The following SRPK1 variants were observed in gnomAD, a reference collection of about 807,000 sequenced individuals.
SRPK1 encodes SFRS protein kinase 1.
In SRPK1, 52 loss-of-function variants were observed where a neutral mutation model predicts 89.5. The observed-to-expected ratio is 0.58, with a 90% CI of 0.46 to 0.73. The LOEUF is 0.73. Among genes scored for constraint, SRPK1 ranks in the 30% least tolerant of loss-of-function variants. SRPK1 has a pLI of 0.00. For synonymous variants in SRPK1, 255 were observed against 270.2 expected (o/e 0.94, Z 0.55); for missense variants, 603 against 780.6 (o/e 0.77, Z 2.71).
At chr6:35,854,172 A>G (rs1769618342) in intron 13 of SRPK1, among the ~76,000 whole-genome samples, 1 of 152,088 alleles carries the variant, frequency 6.6e-6, no homozygotes, top group South Asian at 2.1e-4. Context: ...GCTAGTCTCG[A>G]ACTCCTGGCC....
chr6:35,873,922 G>T (rs2127248845), intron 7 of SRPK1, among the ~76,000 whole-genome samples: 1 of 152,080 alleles, frequency 6.6e-6, no homozygotes, highest in African/African-American at 2.4e-5. Context: ...CGCCTCCTGG[G>T]TTCACGCCAT....
chr6:35,859,161 A>AATG (rs1327098998), intron 12 of SRPK1, among the ~76,000 whole-genome samples: 11 of 152,192 alleles, frequency 7.2e-5, no homozygotes, highest in Non-Finnish European at 1.6e-4. Context: ...ACATTGGGGA[A>AATG]ATGAGGAATT....
At chr6:35,885,294 C>CAG (rs1273529546) in intron 6 of SRPK1, among the ~76,000 whole-genome samples, 82 of 131,162 alleles carry the variant, frequency 6.3e-4, no homozygotes, top group African/African-American at 1.7e-3. Flanking sequence ...CACACACACA[C>CAG]ACACAGAGAG....
At chr6:35,914,202 C>T (rs1450501085) in intron 2 of SRPK1, among the ~76,000 whole-genome samples, 2 of 152,034 alleles carry the variant, frequency 1.3e-5, no homozygotes, top group Non-Finnish European at 2.9e-5. Flanking sequence ...GTCTCGAACT[C>T]CCGACCTTGG....
intron 2 of SRPK1, among the ~76,000 whole-genome samples, chr6:35,915,554 C>A (rs1771071317): frequency 6.6e-6 from 1 of 152,020 alleles, no homozygotes; most frequent in Non-Finnish European, 1.5e-5. Flanking sequence ...AGATTATTCA[C>A]TATAGCTGTG....
chr6:35,862,875 T>G (rs781236374), intron 12 of SRPK1, among the ~76,000 whole-genome samples: 6 of 152,066 alleles, frequency 3.9e-5, no homozygotes, highest in Non-Finnish European at 7.4e-5. Context: ...AACTAAAAAA[T>G]TCACTGAAGC....
intron 13 of SRPK1, among the ~76,000 whole-genome samples, chr6:35,856,500 C>T (rs950893839): frequency 6.6e-6 from 1 of 152,080 alleles, no homozygotes; most frequent in African/African-American, 2.4e-5. Context: ...ATGCTCTTAA[C>T]CTATGAAGTC....
chr6:35,874,623 A>G (rs1369935666), intron 6 of SRPK1, among the ~76,000 whole-genome samples: 1 of 152,232 alleles, frequency 6.6e-6, no homozygotes, highest in Non-Finnish European at 1.5e-5. Flanking sequence ...AAACCTACAT[A>G]TGCAAATAGT....
intron 12 of SRPK1, among the ~76,000 whole-genome samples, chr6:35,866,630 A>G (rs2127242353): frequency 6.6e-6 from 1 of 152,284 alleles, no homozygotes; most frequent in East Asian, 1.9e-4. Flanking sequence ...AAAATTTCTC[A>G]AAGAACTAAA....
chr6:35,877,922 C>T (rs73404067), intron 6 of SRPK1, among the ~76,000 whole-genome samples: 1 of 150,660 alleles, frequency 6.6e-6, no homozygotes, highest in Admixed American at 6.6e-5. Context: ...CTGGATGGAA[C>T]AAATGGCAGA....
Position 35,847,302 on chromosome 6 carries a change from C to A in SRPK1, c.1621-4698G>T, listed in dbSNP as rs80045377. ...GCTTGCGGTAGCCTCAACTCCGGGGCTCAAGTGATCCTCCTTCCTCAGCCT... is the reference window on the plus strand; with the variant it reads ...GCTTGCGGTAGCCTCAACTCCGGGGATCAAGTGATCCTCCTTCCTCAGCCT... On this transcript the variant is annotated intron_variant, in intron 13 of 15. Coordinates refer to ENST00000373825, the MANE Select transcript of SRPK1 (RefSeq NM_003137.5). Among the ~76,000 whole-genome samples, 169 of 152,284 alleles carry A rather than the reference C, an allele frequency of 1.1e-3. 1 individual carries two copies. Among genetic ancestry groups the A allele is most frequent in the African/African-American group, 3.9e-3 (161 of 41,556 alleles).
intron 2 of SRPK1, among the ~76,000 whole-genome samples, chr6:35,893,518 G>A (rs1770564906): frequency 6.6e-6 from 1 of 151,962 alleles, no homozygotes; most frequent in African/African-American, 2.4e-5. Context: ...ATTAACTGAA[G>A]GCTTGTATAA....
intron 12 of SRPK1, among the ~76,000 whole-genome samples, chr6:35,860,808 T>C (rs933435819): frequency 5.3e-5 from 8 of 152,188 alleles, no homozygotes; most frequent in Non-Finnish European, 7.4e-5. Context: ...GTGAATATGA[T>C]AAAGGTATAA....
intron 13 of SRPK1, among the ~76,000 whole-genome samples, chr6:35,848,901 AG>A (rs1444428215): frequency 2.0e-5 from 3 of 152,204 alleles, no homozygotes; most frequent in Admixed American, 6.5e-5. Context: ...CAGAAGAAAC[AG>A]GGGGAAACCC....
At chr6:35,920,849 C>A in intron 1 of SRPK1, 195 bp downstream of exon 1, 1 of 537,776 alleles carries the variant, frequency 1.9e-6, no homozygotes, top group Non-Finnish European at 3.1e-6. Context: ...CTACGGCCGG[C>A]GCCAGAGGAC....
At chr6:35,846,763 A>G (rs550283078) in intron 13 of SRPK1, among the ~76,000 whole-genome samples, 1 of 152,272 alleles carries the variant, frequency 6.6e-6, no homozygotes, top group South Asian at 2.1e-4. Flanking sequence ...AAGAGATTAG[A>G]TCTGTAATAA....
chr6:35,889,307 A>G (rs1441445051), intron 3 of SRPK1, among the ~76,000 whole-genome samples: 1 of 143,686 alleles, frequency 7.0e-6, no homozygotes, highest in Non-Finnish European at 1.5e-5. Context: ...TTTATTTAGC[A>G]AAAAAAAAAA....
At chr6:35,875,254 C>CT (rs753490683) in intron 6 of SRPK1, among the ~76,000 whole-genome samples, 1,725 of 136,948 alleles carry the variant, frequency 0.013, 31 homozygotes, top group African/African-American at 0.034. Flanking sequence ...ATGGAGACTT[C>CT]TTTTTTTTTT....
intron 3 of SRPK1, among the ~76,000 whole-genome samples, chr6:35,890,446 C>T (rs955952469): frequency 6.6e-6 from 1 of 152,172 alleles, no homozygotes; most frequent in Admixed American, 6.5e-5. Flanking sequence ...AAAGTCTCAT[C>T]AAGAAACAGA....
Sources: allele counts gnomAD v4.1 joint callset (sites outside exome capture counted in the v4.1 genomes callset), GRCh38; gene constraint gnomAD v4.1.1; transcripts MANE v1.5; gene names NCBI Gene and HGNC (gene_info 2026-07-23, HGNC 2026-07-21).